Variants in COL24A1 observed in about 807,000 individuals in gnomAD.
COL24A1 encodes collagen alpha-1(XXIV) chain.
Under a neutral mutation model 253.9 loss-of-function variants are expected in COL24A1, and 224 were observed. The observed-to-expected ratio is 0.88, with a 90% confidence interval of 0.79 to 0.99. The LOEUF (loss-of-function observed/expected upper bound fraction) is 0.99. Ranked by LOEUF, COL24A1 falls within the 50% of genes least tolerant of loss-of-function variation. The pLI is 0.00. For missense variants in COL24A1, 2,131 were observed against 2,068.5 expected (o/e 1.03, Z -0.59); for synonymous variants, 685 against 673.7 (o/e 1.02, Z -0.26).
At chr1:85,766,136 T>C (rs369314) in intron 53 of COL24A1, among the ~76,000 whole-genome samples, 136,879 of 151,620 alleles carry the variant, frequency 0.9, 62,348 homozygotes, top group Non-Finnish European at 0.96. Flanking sequence ...GAGGCTGAGG[T>C]GGGCAGATCA....
At chr1:85,779,063 G>A (rs1416331816) in intron 52 of COL24A1, among the ~76,000 whole-genome samples, 1 of 152,024 alleles carries the variant, frequency 6.6e-6, no homozygotes, top group Non-Finnish European at 1.5e-5. Context: ...CTGGAGTGCA[G>A]TGGGTGCAGT....
At position 85,869,906 on chromosome 1, in the gene COL24A1, C is replaced by T. The variant is rs558874822; in HGVS notation, c.3139-1071G>A. Among the ~76,000 whole-genome samples the T allele has an allele frequency of 3.9e-4, 60 of 152,168 alleles. 1 individual carries two copies. The highest frequency in any genetic ancestry group is 6.8e-3 in the Middle Eastern group (2 of 294). ...CAACTAAAAGACACAGACTGGCAAA[C>T]TGGATAAAGAGTCAAGACCCATCAG... On this transcript the variant is annotated intron_variant, in intron 35 of 59. Transcript: ENST00000370571.
At chr1:85,926,129 C>T (rs190046284) in intron 24 of COL24A1, among the ~76,000 whole-genome samples, 1 of 152,276 alleles carries the variant, frequency 6.6e-6, no homozygotes, top group East Asian at 1.9e-4. Flanking sequence ...AATGAGATAC[C>T]AGCTCACCCC....
At chr1:85,775,987 A>G (rs775227290) in intron 52 of COL24A1, among the ~76,000 whole-genome samples, 29 of 152,188 alleles carry the variant, frequency 1.9e-4, no homozygotes, top group Non-Finnish European at 3.2e-4. Flanking sequence ...TTAAGTCAAA[A>G]CAGCTTATCT....
chr1:85,889,268 G>A (rs1303636725), intron 32 of COL24A1, among the ~76,000 whole-genome samples: 2 of 152,050 alleles, frequency 1.3e-5, no homozygotes, highest in African/African-American at 4.8e-5. Flanking sequence ...TATAAGAACA[G>A]CAAGCCATTC....
In COL24A1 at chr1:85,955,182, C is replaced by T. The variant is rs1028014480; in HGVS notation, c.2562+6067G>A. 2.0e-5 allele frequency among the ~76,000 whole-genome samples: 3 copies of T among 152,166 alleles called. No individual in the cohort carries two copies. The East Asian group carries it at 5.8e-4, about 29-fold the overall frequency. ...ACCAGCAGGCCATCTACGGGGAGACCACATGGAATTCAGTTGGTGTAGTTG... is the reference window on the plus strand; with the variant it reads ...ACCAGCAGGCCATCTACGGGGAGACTACATGGAATTCAGTTGGTGTAGTTG... On this transcript the variant is annotated intron_variant, in intron 24 of 59. Coordinates refer to ENST00000370571, the MANE Select transcript of COL24A1 (RefSeq NM_152890.7).
intron 55 of COL24A1, among the ~76,000 whole-genome samples, chr1:85,760,508 C>G (rs542359108): frequency 3.9e-5 from 6 of 151,984 alleles, no homozygotes; most frequent in Non-Finnish European, 7.4e-5. Flanking sequence ...TTCCTTGCCC[C>G]AATGAAAAGC....
At chr1:85,811,487 T>A (rs1672528039) in intron 47 of COL24A1, among the ~76,000 whole-genome samples, 1 of 152,202 alleles carries the variant, frequency 6.6e-6, no homozygotes, top group South Asian at 2.1e-4. Context: ...ATATGGTAAT[T>A]CAATGTTTAA....
intron 24 of COL24A1, among the ~76,000 whole-genome samples, chr1:85,944,122 TGTA>T (rs979441745): frequency 1.1e-4 from 16 of 152,238 alleles, no homozygotes; most frequent in African/African-American, 3.9e-4. Flanking sequence ...TATGTGCATA[TGTA>T]GTAGTGACTC....
intron 20 of COL24A1, among the ~76,000 whole-genome samples, chr1:85,987,270 A>G (rs1258554226): frequency 6.6e-6 from 1 of 151,772 alleles, no homozygotes; most frequent in African/African-American, 2.4e-5. Context: ...ATGTCCCCAA[A>G]AGATTTTTTT....
At position 85,769,660 on chromosome 1, in the gene COL24A1, T is replaced by C. The variant is rs546936368; in HGVS notation, c.4374+6014A>G. ...AGAAGAAAGAACAAGGAGAGAGATG[T>C]AATCAGGCTGCAGAATCTGGTAGAG... On this transcript the variant is annotated intron_variant, in intron 53 of 59. Transcript: ENST00000370571. Among the ~76,000 whole-genome samples, 10 of 152,206 alleles carry C rather than the reference T, an allele frequency of 6.6e-5. No individual in the cohort carries two copies. The South Asian group carries it at 2.1e-3, about 32-fold the overall frequency.
At chr1:86,027,347 C>T (rs1454898794) in intron 14 of COL24A1, among the ~76,000 whole-genome samples, 1 of 152,142 alleles carries the variant, frequency 6.6e-6, no homozygotes, top group East Asian at 1.9e-4. Flanking sequence ...CAGCAGCCCC[C>T]TCCTATCACA....
intron 37 of COL24A1, among the ~76,000 whole-genome samples, chr1:85,859,607 T>C (rs946952627): frequency 1.3e-5 from 2 of 152,202 alleles, no homozygotes; most frequent in Admixed American, 6.6e-5. Flanking sequence ...TTATATTTTT[T>C]TTAGGAGGAA....
At chr1:85,754,590 A>G (rs1666004582) in intron 55 of COL24A1, among the ~76,000 whole-genome samples, 1 of 151,074 alleles carries the variant, frequency 6.6e-6, no homozygotes, top group Non-Finnish European at 1.5e-5. Flanking sequence ...TATGAGAAAG[A>G]TGTCTTACTA....
At chr1:85,911,527 T>C in intron 24 of COL24A1, 94 bp from the exon 25 acceptor site, 1 of 985,866 alleles carries the variant, frequency 1.0e-6, no homozygotes, top group Non-Finnish European at 1.6e-6. Context: ...TATGTTTCTT[T>C]CTAACTTATC....
chr1:85,757,664 C>T (rs1666407870), intron 55 of COL24A1, among the ~76,000 whole-genome samples: 1 of 152,090 alleles, frequency 6.6e-6, no homozygotes, highest in Non-Finnish European at 1.5e-5. Flanking sequence ...TCCTAGAATC[C>T]CCAAGGTATT....
intron 7 of COL24A1, among the ~76,000 whole-genome samples, chr1:86,072,884 T>C (rs1701974562): frequency 6.6e-6 from 1 of 152,064 alleles, no homozygotes; most frequent in Admixed American, 6.6e-5. Flanking sequence ...AGCAGAGGGA[T>C]CTGACTGTTA....
intron 18 of COL24A1, among the ~76,000 whole-genome samples, chr1:86,021,555 T>C (rs752917264): frequency 2.2e-4 from 34 of 152,176 alleles, no homozygotes; most frequent in Admixed American, 3.3e-4. Flanking sequence ...GTACCAACTT[T>C]GTAGGATTGT....
intron 52 of COL24A1, among the ~76,000 whole-genome samples, chr1:85,775,963 A>G (rs2101451632): frequency 6.6e-6 from 1 of 152,288 alleles, no homozygotes; most frequent in South Asian, 2.1e-4. Context: ...TGAGATAACT[A>G]CTTATTCATT....
Sources: allele counts gnomAD v4.1 joint callset (sites outside exome capture counted in the v4.1 genomes callset), GRCh38; gene constraint gnomAD v4.1.1; transcripts MANE v1.5; gene names NCBI Gene and HGNC (gene_info 2026-07-23, HGNC 2026-07-21).